The following DHX30 variants were observed in gnomAD, a reference collection of about 807,000 sequenced individuals.
The protein encoded by DHX30 is ATP-dependent RNA helicase DHX30.
Under a neutral mutation model 116.9 loss-of-function variants are expected in DHX30, and 4 were observed. The observed-to-expected ratio is 0.03, with a 90% CI of 0.02 to 0.08. The LOEUF (loss-of-function observed/expected upper bound fraction) is 0.08. Among genes scored for constraint, DHX30 ranks in the 10% least tolerant of loss-of-function variants. The probability of loss-of-function intolerance (pLI) is 1.00; values close to 1 mark genes in which losing one functional copy is unlikely to be tolerated. For synonymous variants in DHX30, 697 were observed against 651.7 expected, an observed-to-expected ratio of 1.07 and a Z score of -1.06; for missense variants, 871 against 1,595.1, an observed-to-expected ratio of 0.55 and a Z score of 7.73.
chr3:47,811,104 C>T (rs1249077402), intron 3 of DHX30, among the ~76,000 whole-genome samples: 1 of 151,968 alleles, frequency 6.6e-6, no homozygotes, highest in Non-Finnish European at 1.5e-5. Context: ...AACCAGCTGC[C>T]AAGCTCGGCT....
chr3:47,847,729 G>GT lies in DHX30; in HGVS notation c.2111-52_2111-51insT. ...TCCTTGCCCTGCCCACATTCCAGGG[G>GT]GGAATTCTGGTGGAAGCAGTGCCCA... On this transcript the variant is annotated intron_variant, in intron 13 of 21. Coordinates refer to ENST00000445061, the MANE Select transcript of DHX30 (RefSeq NM_138615.3). This position sits in a 1 kb window ranked among gnomAD's most constrained non-coding sequence, Gnocchi z 5.5. 1 of 1,584,574 alleles carries GT rather than the reference G, an allele frequency of 6.3e-7. No homozygotes were observed. Among genetic ancestry groups the GT allele is most frequent in the Non-Finnish European group, 8.6e-7 (1 of 1,161,384 alleles).
intron 1 of DHX30, among the ~76,000 whole-genome samples, chr3:47,803,788 A>T (rs2106915915): frequency 6.6e-6 from 1 of 152,306 alleles, no homozygotes; most frequent in Non-Finnish European, 1.5e-5. Flanking sequence ...GGAAGACCAA[A>T]TGCATGTTGG....
At position 47,847,953 on chromosome 3, in the gene DHX30, C is replaced by T; in HGVS notation, c.2283C>T (p.Thr761=). The T allele has an allele frequency of 6.2e-7, 1 of 1,612,944 alleles. No homozygotes were observed. The highest frequency in any genetic ancestry group is 2.2e-5 in the East Asian group (1 of 44,842). The change falls in exon 14 of 22, where the codon ACC becomes ACT. Residue 761 remains threonine (T), a synonymous_variant. Transcript: ENST00000445061. The surrounding 1 kb of genome is among the most constrained non-coding windows in gnomAD (Gnocchi z 5.5). ...AGGAAGAACGCTATGACCTGAAGAC[C>T]AAGGTGGCACCTACCTCCTGGGCCC... ...LHKEERYDLK[T]KVSCLETVWV... is the part of the protein sequence containing the mutation.
intron 3 of DHX30, among the ~76,000 whole-genome samples, chr3:47,811,244 G>A (rs748408978): frequency 1.3e-5 from 2 of 151,904 alleles, no homozygotes; most frequent in Non-Finnish European, 2.9e-5. Flanking sequence ...GTGAGCCACC[G>A]TGGCTGGCCT....
Position 47,848,042 on chromosome 3 carries a change from T to C in DHX30, c.2286+86T>C. 1 of 1,587,722 alleles carries C rather than the reference T, an allele frequency of 6.3e-7. No homozygotes were observed. The highest frequency in any genetic ancestry group is 8.6e-7 in the Non-Finnish European group (1 of 1,162,188). On this transcript the variant is annotated intron_variant, in intron 14 of 21. Coordinates refer to ENST00000445061, the MANE Select transcript of DHX30 (RefSeq NM_138615.3). The surrounding 1 kb of genome is among the most constrained non-coding windows in gnomAD (Gnocchi z 9.4). ...CCCCAGCCCAGATCTACCTTAGACCTGCTTTGTGTGTCTTCAGAAGGCCGC... is the reference window on the plus strand; with the variant it reads ...CCCCAGCCCAGATCTACCTTAGACCCGCTTTGTGTGTCTTCAGAAGGCCGC...
At chr3:47,805,488 G>A in intron 2 of DHX30, 68 bp downstream of exon 2, 1 of 398,492 alleles carries the variant, frequency 2.5e-6, no homozygotes. Context: ...AAAACAAGAG[G>A]TATGTGTTAA....
At position 47,847,132 on chromosome 3, in the gene DHX30, G is replaced by T; in HGVS notation, c.1929+131G>T. 1 of 1,473,156 alleles carries T rather than the reference G, an allele frequency of 6.8e-7. No individual in the cohort carries two copies. The highest frequency in any genetic ancestry group is 9.3e-7 in the Non-Finnish European group (1 of 1,069,724). 91.3% of individuals were successfully genotyped at this position (1,473,156 alleles called of 1,614,324 possible). On this transcript the variant is annotated intron_variant, in intron 11 of 21. Coordinates refer to ENST00000445061, the MANE Select transcript of DHX30 (RefSeq NM_138615.3). The surrounding 1 kb of genome is among the most constrained non-coding windows in gnomAD (Gnocchi z 5.5). ...TCCTCGGTTTCCTTGATAGAAACTG[G>T]GGACTAACCCTGCCTGCGTGGCACA...
At chr3:47,828,195 C>T (rs756272518) in intron 5 of DHX30, among the ~76,000 whole-genome samples, 12 of 151,828 alleles carry the variant, frequency 7.9e-5, no homozygotes, top group East Asian at 5.9e-4. Context: ...TGTGGTGGTT[C>T]GTGCCTGTAA....
In DHX30 at chr3:47,847,881, C is replaced by T. The variant is rs772942509; in HGVS notation, c.2211C>T (p.Ser737=). The T allele has an allele frequency of 6.2e-7, 1 of 1,614,076 alleles. No individual in the cohort carries two copies. Among genetic ancestry groups the T allele is most frequent in the African/African-American group, 1.3e-5 (1 of 74,930 alleles). ...IVLATNIAET[S]ITINDIVHVV... ...TGGCCACCAACATTGCTGAGACTTC[C>T]ATCACAATCAATGACATCGTGCATG... is the stretch of plus-strand genomic sequence containing the variant. Residue 737 remains serine, a synonymous_variant, in exon 14 of 22, where the codon TCC becomes TCT. Coordinates refer to ENST00000445061, the MANE Select transcript of DHX30 (RefSeq NM_138615.3). The surrounding 1 kb of genome is among the most constrained non-coding windows in gnomAD (Gnocchi z 5.5).
chr3:47,816,409 G>A (rs1031919591), intron 3 of DHX30: 1 of 981,028 alleles, frequency 1.0e-6, no homozygotes, highest in Non-Finnish European at 1.2e-6. Context: ...CCAGGCTGGA[G>A]TGCAATGGCG....
At chr3:47,806,096 A>T (rs1464783550) in intron 2 of DHX30, among the ~76,000 whole-genome samples, 1 of 150,572 alleles carries the variant, frequency 6.6e-6, no homozygotes, top group African/African-American at 2.4e-5. Flanking sequence ...AGTTCAAGCA[A>T]TTCCCCTGCC....
chr3:47,842,155 T>A (rs142416403), intron 8 of DHX30: 1 of 172,244 alleles, frequency 5.8e-6, no homozygotes, highest in Non-Finnish European at 1.2e-5. Flanking sequence ...TTGCTTCTCA[T>A]GTAAAATAAG....
intron 2 of DHX30, among the ~76,000 whole-genome samples, chr3:47,806,470 G>A (rs2035529570): frequency 7.2e-6 from 1 of 139,320 alleles, no homozygotes; most frequent in Admixed American, 7.3e-5. Flanking sequence ...TTCTGAGATG[G>A]AGTCTCACTC....
At chr3:47,820,686 C>G (rs2036255842) in intron 4 of DHX30, among the ~76,000 whole-genome samples, 4 of 152,200 alleles carry the variant, frequency 2.6e-5, no homozygotes, top group Non-Finnish European at 5.9e-5. Context: ...TCCTTTACGC[C>G]TTAATTCTGT....
chr3:47,821,023 G>A (rs930697775), intron 4 of DHX30, among the ~76,000 whole-genome samples: 1 of 151,388 alleles, frequency 6.6e-6, no homozygotes, highest in African/African-American at 2.4e-5. Context: ...GCATGATGTC[G>A]GCTCACTGCA....
At position 47,811,111 on chromosome 3, in the gene DHX30, G is replaced by A. The variant is rs1269663022; in HGVS notation, c.28+400G>A. ...ATTACAGGAACCAGCTGCCAAGCTC[G>A]GCTAATTCTTTTTTTTTTTTTTAGT... On this transcript the variant is annotated intron_variant, in intron 3 of 21. Coordinates refer to ENST00000445061, the MANE Select transcript of DHX30 (RefSeq NM_138615.3). Among the ~76,000 whole-genome samples, 3 of 151,908 alleles carry A rather than the reference G, an allele frequency of 2.0e-5. 1 individual carries two copies. Among genetic ancestry groups the A allele is most frequent in the Admixed American group, 6.6e-5 (1 of 15,248 alleles).
chr3:47,810,309 A>C (rs1200495167), intron 2 of DHX30, among the ~76,000 whole-genome samples: 1 of 152,208 alleles, frequency 6.6e-6, no homozygotes, highest in East Asian at 1.9e-4. Context: ...CTAGGAAGGA[A>C]ACCTGCAAGT....
chr3:47,807,889 C>T (rs1392791034), intron 2 of DHX30, among the ~76,000 whole-genome samples: 1 of 151,860 alleles, frequency 6.6e-6, no homozygotes, highest in African/African-American at 2.4e-5. Context: ...GCCACCCCAC[C>T]TAGCCATTAA....
chr3:47,829,314 A>ATATAT lies in DHX30; in HGVS notation c.366+181_366+182insATATT, dbSNP rs1177077114. 4.0e-3 allele frequency among the ~76,000 whole-genome samples: 138 copies of ATATAT among 34,188 alleles called. 3 individuals are homozygous for ATATAT. The highest frequency in any genetic ancestry group is 4.5e-3 in the Non-Finnish European group (90 of 19,814). The allele number at this position is 34,188 out of a possible 152,430, so 22.4% of individuals were successfully genotyped here. A position where few individuals can be genotyped will look rare whatever the true frequency, so the allele number is the denominator to read the frequency against. On this transcript the variant is annotated intron_variant, in intron 6 of 21. Transcript: ENST00000445061. ...TATATATATATATATATATATATAT[A>ATATAT]TTTTTTTTTTTTTTTTCCTGTGTTT...
Sources: allele counts gnomAD v4.1 joint callset (sites outside exome capture counted in the v4.1 genomes callset), GRCh38; gene constraint gnomAD v4.1.1; non-coding constraint Gnocchi (gnomAD v3.1); transcripts MANE v1.5; gene names NCBI Gene and HGNC (gene_info 2026-07-23, HGNC 2026-07-21).